SGCZ: variants seen among roughly 807,000 people sequenced by gnomAD.
The protein encoded by SGCZ is sarcoglycan zeta, also known as zeta-sarcoglycan.
A neutral mutation model predicts 41.3 loss-of-function variants in SGCZ; 40 were observed. The ratio of observed to expected loss-of-function variants is 0.97; its 90% CI spans 0.75 to 1.26. SGCZ has a LOEUF of 1.26. Ranked by LOEUF, SGCZ falls within the 50% of genes most tolerant of loss-of-function variation. The pLI is 0.00. For missense variants in SGCZ, 552 were observed against 369.8 expected, an observed-to-expected ratio of 1.49 and a Z score of -4.04; for synonymous variants, 206 against 137.5, an observed-to-expected ratio of 1.50 and a Z score of -3.49.
At chr8:14,704,147 T>C (rs1166667700) in intron 1 of SGCZ, among the ~76,000 whole-genome samples, 1 of 152,124 alleles carries the variant, frequency 6.6e-6, no homozygotes, top group South Asian at 2.1e-4. Context: ...TTGATTTTAG[T>C]CCTGGGGTAA....
chr8:14,320,557 G>T (rs570833858), intron 3 of SGCZ, among the ~76,000 whole-genome samples: 1 of 151,932 alleles, frequency 6.6e-6, no homozygotes, highest in South Asian at 2.1e-4. Flanking sequence ...ATTCTATAAA[G>T]AATAATTGAA....
At chr8:14,403,273 C>T (rs1008200299) in intron 2 of SGCZ, among the ~76,000 whole-genome samples, 1 of 150,212 alleles carries the variant, frequency 6.7e-6, no homozygotes, top group Non-Finnish European at 1.5e-5. Flanking sequence ...TAATTGAATA[C>T]CCTTTATTTC....
intron 3 of SGCZ, among the ~76,000 whole-genome samples, chr8:14,274,365 C>A (rs767370374): frequency 6.6e-6 from 1 of 152,244 alleles, no homozygotes; most frequent in East Asian, 1.9e-4. Flanking sequence ...ATTAAGGAGA[C>A]AGTTGGTCCA....
chr8:14,959,862 T>C (rs553004527), intron 1 of SGCZ, among the ~76,000 whole-genome samples: 20 of 152,262 alleles, frequency 1.3e-4, no homozygotes, highest in African/African-American at 3.4e-4. Context: ...GAGGACAACA[T>C]ACAGGGAGCA....
intron 2 of SGCZ, among the ~76,000 whole-genome samples, chr8:14,432,509 G>A (rs898874430): frequency 1.2e-4 from 18 of 152,162 alleles, no homozygotes; most frequent in African/African-American, 3.9e-4. Context: ...ATGACACAAT[G>A]GACTTTGGGG....
intron 4 of SGCZ, 73 bp from the exon 5 acceptor site, chr8:14,164,775 G>T (rs760595725): frequency 1.1e-5 from 17 of 1,523,860 alleles, no homozygotes; most frequent in Non-Finnish European, 1.3e-5. Flanking sequence ...TTTGGAAATA[G>T]ACTAGAAATG....
intron 1 of SGCZ, among the ~76,000 whole-genome samples, chr8:14,559,459 A>G (rs1804141122): frequency 6.6e-6 from 1 of 152,134 alleles, no homozygotes; most frequent in East Asian, 1.9e-4. Context: ...AAAACTACAA[A>G]ACACTACCGA....
chr8:14,429,290 G>A (rs1220607849), intron 2 of SGCZ, among the ~76,000 whole-genome samples: 1 of 152,190 alleles, frequency 6.6e-6, no homozygotes, highest in African/African-American at 2.4e-5. Flanking sequence ...TTTGAGGAGG[G>A]TTGTCAGGGT....
chr8:14,402,614 T>C (rs1406878713), intron 2 of SGCZ, among the ~76,000 whole-genome samples: 2 of 142,784 alleles, frequency 1.4e-5, no homozygotes, highest in Admixed American at 1.3e-4. Context: ...TGTGGCGTTA[T>C]TTCTGAGGGC....
chr8:14,120,481 G>C (rs1048438683), intron 5 of SGCZ, among the ~76,000 whole-genome samples: 3 of 151,922 alleles, frequency 2.0e-5, no homozygotes, highest in African/African-American at 4.8e-5. Flanking sequence ...TTACACAAAA[G>C]TACAATGTGG....
At chr8:15,209,475 T>TAAAAAA (rs57088562) in intron 1 of SGCZ, among the ~76,000 whole-genome samples, 1 of 142,110 alleles carries the variant, frequency 7.0e-6, no homozygotes, top group African/African-American at 2.7e-5. Flanking sequence ...AGCATAATAG[T>TAAAAAA]AAAAAAAAAA....
At chr8:14,099,987 G>A (rs1291972296) in intron 7 of SGCZ, among the ~76,000 whole-genome samples, 2 of 152,086 alleles carry the variant, frequency 1.3e-5, no homozygotes, top group East Asian at 3.9e-4. Flanking sequence ...TCAATACCAT[G>A]ACTGATACTA....
intron 4 of SGCZ, among the ~76,000 whole-genome samples, chr8:14,232,826 T>C (rs1050054125): frequency 1.3e-5 from 2 of 152,080 alleles, no homozygotes; most frequent in African/African-American, 2.4e-5. Flanking sequence ...TAAACAAGGA[T>C]ACCTATGATG....
intron 1 of SGCZ, among the ~76,000 whole-genome samples, chr8:14,996,940 G>A (rs1273209451): frequency 1.3e-5 from 2 of 152,190 alleles, no homozygotes; most frequent in Non-Finnish European, 1.5e-5. Context: ...TGGGTTAATA[G>A]AGGGCCCCTA....
At chr8:15,139,124 T>C (rs1808224552) in intron 1 of SGCZ, among the ~76,000 whole-genome samples, 1 of 152,152 alleles carries the variant, frequency 6.6e-6, no homozygotes, top group Non-Finnish European at 1.5e-5. Flanking sequence ...CATGAATGCC[T>C]TTGCTGAGGG....
At position 14,901,576 on chromosome 8, in the gene SGCZ, G is replaced by C. The variant is rs147904741; in HGVS notation, c.39+336009C>G. ...GTATCTGTAAAATGTGTGAAGGACT[G>C]TTAGGTTCTTCACACATTTTGGGGT... On this transcript the variant is annotated intron_variant, in intron 1 of 7. Coordinates refer to ENST00000382080, the MANE Select transcript of SGCZ (RefSeq NM_139167.4). 5.3e-3 allele frequency among the ~76,000 whole-genome samples: 804 copies of C among 152,210 alleles called. 11 individuals carry two copies. The highest frequency in any genetic ancestry group is 0.019 in the African/African-American group (769 of 41,522).
intron 1 of SGCZ, among the ~76,000 whole-genome samples, chr8:15,107,806 T>C (rs1806889654): frequency 6.6e-6 from 1 of 152,202 alleles, no homozygotes; most frequent in Non-Finnish European, 1.5e-5. Flanking sequence ...ATTTGGTGTT[T>C]GAAAATATTA....
intron 2 of SGCZ, among the ~76,000 whole-genome samples, chr8:14,381,084 A>T (rs184181197): frequency 6.6e-6 from 1 of 150,746 alleles, no homozygotes; most frequent in Non-Finnish European, 1.5e-5. Flanking sequence ...CATAATTAGC[A>T]AAAGTAGTAA....
intron 1 of SGCZ, among the ~76,000 whole-genome samples, chr8:14,592,939 G>C (rs1934620500): frequency 6.6e-6 from 1 of 152,142 alleles, no homozygotes. Context: ...AGATATTTCA[G>C]ACATCAGTTT....
Sources: allele counts gnomAD v4.1 joint callset (sites outside exome capture counted in the v4.1 genomes callset), GRCh38; gene constraint gnomAD v4.1.1; transcripts MANE v1.5; gene names NCBI Gene and HGNC (gene_info 2026-07-23, HGNC 2026-07-21).